Variants in DLG2 observed in about 807,000 individuals in gnomAD.
DLG2 encodes the protein disks large homolog 2.
DLG2 carries 45 observed loss-of-function variants against 132.5 expected under a neutral mutation model. The observed-to-expected ratio is 0.34, with a 90% CI of 0.27 to 0.44. DLG2 has a LOEUF of 0.44. Among genes scored for constraint, DLG2 ranks in the 20% least tolerant of loss-of-function variants. The pLI is 1.00. For synonymous variants in DLG2, 424 were observed against 419.6 expected (o/e 1.01, Z -0.13); for missense variants, 1,045 against 1,196.9 (o/e 0.87, Z 1.87).
intron 4 of DLG2, among the ~76,000 whole-genome samples, chr11:85,258,044 A>T (rs1034969729): frequency 2.0e-5 from 3 of 152,212 alleles, no homozygotes; most frequent in Non-Finnish European, 4.4e-5. Context: ...TGGTTGTCTT[A>T]CAGACCATTT....
intron 7 of DLG2, among the ~76,000 whole-genome samples, chr11:84,332,011 T>A (rs182895539): frequency 6.6e-6 from 1 of 152,178 alleles, no homozygotes; most frequent in African/African-American, 2.4e-5. Context: ...TTTTCTTTTC[T>A]GCAGAAAGGT....
intron 6 of DLG2, among the ~76,000 whole-genome samples, chr11:84,672,827 A>G (rs775109740): frequency 7.9e-5 from 12 of 152,120 alleles, no homozygotes; most frequent in Admixed American, 3.3e-4. Context: ...TAATTTATAA[A>G]CAAAAAAAAG....
At chr11:84,552,609 T>C (rs2099404028) in intron 6 of DLG2, among the ~76,000 whole-genome samples, 1 of 152,172 alleles carries the variant, frequency 6.6e-6, no homozygotes, top group Non-Finnish European at 1.5e-5. Context: ...ATCTATCATT[T>C]TTGTCTGTTT....
chr11:84,725,917 C>A (rs1284994824), intron 6 of DLG2, among the ~76,000 whole-genome samples: 1 of 151,898 alleles, frequency 6.6e-6, no homozygotes, highest in Non-Finnish European at 1.5e-5. Flanking sequence ...TCTCTTTATA[C>A]TGAACAATTC....
intron 7 of DLG2, among the ~76,000 whole-genome samples, chr11:84,418,050 T>C (rs1415033275): frequency 1.3e-5 from 2 of 152,226 alleles, no homozygotes; most frequent in African/African-American, 4.8e-5. Flanking sequence ...TTCTTATAAC[T>C]AATCTTAAGA....
intron 6 of DLG2, among the ~76,000 whole-genome samples, chr11:84,714,559 TTC>T (rs1193342908): frequency 1.4e-4 from 8 of 56,340 alleles, no homozygotes; most frequent in African/African-American, 1.3e-3. Context: ...TTCTCTCTCT[TTC>T]TCTTTCTCTT....
At chr11:84,712,275 T>C (rs2060535381) in intron 6 of DLG2, among the ~76,000 whole-genome samples, 1 of 152,068 alleles carries the variant, frequency 6.6e-6, no homozygotes, top group African/African-American at 2.4e-5. Flanking sequence ...CTTATTTTTT[T>C]ATATTCAACG....
At chr11:84,040,183 T>C (rs2096022522) in intron 11 of DLG2, among the ~76,000 whole-genome samples, 6 of 148,604 alleles carry the variant, frequency 4.0e-5, no homozygotes, top group South Asian at 4.3e-4. Context: ...CTGTTCACTC[T>C]GATGGTAGTT....
chr11:85,150,519 G>T (rs2077173062), intron 5 of DLG2, among the ~76,000 whole-genome samples: 2 of 151,854 alleles, frequency 1.3e-5, no homozygotes, highest in Admixed American at 1.3e-4. Flanking sequence ...CATCTCTCCA[G>T]CCCTAGGCAA....
chr11:84,450,987 C>G (rs2099050052), intron 7 of DLG2, among the ~76,000 whole-genome samples: 1 of 151,712 alleles, frequency 6.6e-6, no homozygotes. Context: ...ACGCAATATA[C>G]CCATGTAACA....
intron 6 of DLG2, among the ~76,000 whole-genome samples, chr11:84,688,839 C>A (rs2057677233): frequency 6.6e-6 from 1 of 152,178 alleles, no homozygotes; most frequent in Non-Finnish European, 1.5e-5. Context: ...TCTCTCACCT[C>A]TACCCTGTTC....
At chr11:85,262,204 T>A (rs901120532) in intron 4 of DLG2, among the ~76,000 whole-genome samples, 1 of 151,916 alleles carries the variant, frequency 6.6e-6, no homozygotes, top group Non-Finnish European at 1.5e-5. Context: ...GATCCGGAAG[T>A]TTTTTAAGTG....
intron 18 of DLG2, among the ~76,000 whole-genome samples, chr11:83,656,376 G>C (rs963978082): frequency 1.3e-5 from 2 of 152,120 alleles, no homozygotes; most frequent in Admixed American, 1.3e-4. Flanking sequence ...TCCAAGGTGG[G>C]TCCTGGTCAG....
chr11:85,192,982 T>C (rs942242816), intron 4 of DLG2, among the ~76,000 whole-genome samples: 2 of 152,174 alleles, frequency 1.3e-5, no homozygotes, highest in Non-Finnish European at 2.9e-5. Context: ...TTCTGAAGTG[T>C]ACAACTTCGT....
chr11:84,910,873 A>G (rs1378599234), intron 6 of DLG2, among the ~76,000 whole-genome samples: 1 of 152,232 alleles, frequency 6.6e-6, no homozygotes, highest in Non-Finnish European at 1.5e-5. Flanking sequence ...CTAGTGTTAC[A>G]CTAGGAATGC....
chr11:85,446,065 G>T (rs1398017953), intron 3 of DLG2, among the ~76,000 whole-genome samples: 1 of 152,140 alleles, frequency 6.6e-6, no homozygotes, highest in African/African-American at 2.4e-5. Flanking sequence ...TCCTCTTTAA[G>T]TAAAAGAGCA....
chr11:85,481,770 T>C (rs541501567), intron 3 of DLG2, among the ~76,000 whole-genome samples: 2 of 151,848 alleles, frequency 1.3e-5, no homozygotes, highest in South Asian at 4.2e-4. Context: ...CAAACCCACA[T>C]AGTCCTAGTC....
rs1443366471 is a variant in DLG2 at position 84,365,064 on chromosome 11, T to C, written c.520-113773A>G. Among the ~76,000 whole-genome samples, 7 of 152,128 alleles carry C rather than the reference T, an allele frequency of 4.6e-5. No individual in the cohort carries two copies. The East Asian group carries it at 9.6e-4, about 21-fold the overall frequency. ...GGAGGATTCCCTCTTTTTCTATTGATTGGAATAGTTTCAGAAGGAATGGTA... is the reference window on the plus strand; with the variant it reads ...GGAGGATTCCCTCTTTTTCTATTGACTGGAATAGTTTCAGAAGGAATGGTA... On this transcript the variant is annotated intron_variant, in intron 7 of 27. Coordinates refer to ENST00000376104, the MANE Select transcript of DLG2 (RefSeq NM_001142699.3).
chr11:85,381,440 G>A (rs991656652), intron 3 of DLG2, among the ~76,000 whole-genome samples: 4 of 152,132 alleles, frequency 2.6e-5, no homozygotes, highest in East Asian at 3.9e-4. Flanking sequence ...GATCAGGAAC[G>A]ATACAAGAAT....
Sources: gnomAD v4.1 joint callset for allele counts (sites outside exome capture counted in the v4.1 genomes callset) on GRCh38, gnomAD v4.1.1 for gene constraint, MANE v1.5 for transcripts, NCBI Gene and HGNC (gene_info 2026-07-23, HGNC 2026-07-21) for gene names.